PAPPA2: variants seen among roughly 807,000 people sequenced by gnomAD.
PAPPA2 encodes the protein pappalysin-2.
A neutral mutation model predicts 176.4 loss-of-function variants in PAPPA2; 86 were observed. The observed-to-expected ratio is 0.49, with a 90% CI of 0.41 to 0.58. PAPPA2 has a LOEUF of 0.58. PAPPA2 is among the 20% of genes least tolerant of loss of function. PAPPA2 has a pLI of 0.00. For missense variants in PAPPA2, 2,073 were observed against 2,256.9 expected, an observed-to-expected ratio of 0.92 and a Z score of 1.65; for synonymous variants, 809 against 852.2, an observed-to-expected ratio of 0.95 and a Z score of 0.88.
intron 2 of PAPPA2, among the ~76,000 whole-genome samples, chr1:176,560,117 C>T (rs1246111758): frequency 1.3e-5 from 2 of 152,178 alleles, no homozygotes; most frequent in East Asian, 3.9e-4. Flanking sequence ...TAATTGTCCT[C>T]TCCCAGAATG....
intron 3 of PAPPA2, among the ~76,000 whole-genome samples, chr1:176,662,586 T>A (rs747809614): frequency 6.6e-6 from 1 of 152,104 alleles, no homozygotes; most frequent in Non-Finnish European, 1.5e-5. Context: ...TTACTCTATT[T>A]TTTAACCATT....
chr1:176,573,184 C>G (rs1056325945), intron 2 of PAPPA2, among the ~76,000 whole-genome samples: 1 of 152,178 alleles, frequency 6.6e-6, no homozygotes, highest in Admixed American at 6.5e-5. Flanking sequence ...CACTTCACAC[C>G]CCCTAAGGTG....
At chr1:176,573,869 G>A (rs1357509344) in intron 2 of PAPPA2, among the ~76,000 whole-genome samples, 1 of 152,108 alleles carries the variant, frequency 6.6e-6, no homozygotes, top group Non-Finnish European at 1.5e-5. Context: ...TGTGGGCAGA[G>A]CTGTGCTAGG....
chr1:176,742,991 A>G (rs1206379114), intron 14 of PAPPA2, among the ~76,000 whole-genome samples: 1 of 152,170 alleles, frequency 6.6e-6, no homozygotes, highest in East Asian at 1.9e-4. Context: ...AGAATCTCAG[A>G]TGAAAGCCAG....
rs534800650 is a variant in PAPPA2 at position 176,789,281 on chromosome 1, T to G, written c.4716-528T>G. ...CATGGATGAAGCTGGAAACCATCAT[T>G]CTCAGCAAACTATCGCAAGGACAAA... On this transcript the variant is annotated intron_variant, in intron 17 of 22. Transcript: ENST00000367662. Among the ~76,000 whole-genome samples the G allele has an allele frequency of 3.3e-5, 5 of 152,204 alleles. No individual in the cohort carries two copies. In the South Asian group the frequency reaches 1.0e-3, roughly 32 times the overall value.
intron 3 of PAPPA2, among the ~76,000 whole-genome samples, chr1:176,595,833 G>T (rs1653948093): frequency 6.6e-6 from 1 of 152,182 alleles, no homozygotes; most frequent in Non-Finnish European, 1.5e-5. Flanking sequence ...GCAGAAAGCT[G>T]TGTACACAGT....
chr1:176,832,755 G>T (rs1667126802), intron 21 of PAPPA2, among the ~76,000 whole-genome samples: 4 of 152,196 alleles, frequency 2.6e-5, no homozygotes, highest in Admixed American at 2.6e-4. Context: ...CAATACAGAT[G>T]AAAGATGTCT....
chr1:176,690,101 T>C lies in PAPPA2; in HGVS notation c.2138-36T>C, dbSNP rs190611676. ...TTAAGGATTGGAGAGCTATTCATTCTGTGCTCTGAAAGGCTTTTCAAAACT... is the reference window on the plus strand; with the variant it reads ...TTAAGGATTGGAGAGCTATTCATTCCGTGCTCTGAAAGGCTTTTCAAAACT... On this transcript the variant is annotated intron_variant, in intron 4 of 22. Coordinates refer to ENST00000367662, the MANE Select transcript of PAPPA2 (RefSeq NM_020318.3). 5.7e-3 allele frequency: 8,778 copies of C among 1,530,446 alleles called. 34 individuals are homozygous for C. The highest frequency in any genetic ancestry group is 7.3e-3 in the Non-Finnish European group (8,200 of 1,119,382). The allele number at this position is 1,530,446 out of a possible 1,614,324, so 94.8% of individuals were successfully genotyped here. A position where few individuals can be genotyped will look rare whatever the true frequency, so the allele number is the denominator to read the frequency against.
intron 3 of PAPPA2, among the ~76,000 whole-genome samples, chr1:176,648,750 T>C (rs565233215): frequency 4.0e-5 from 6 of 151,684 alleles, no homozygotes; most frequent in Non-Finnish European, 8.9e-5. Flanking sequence ...GATTTGCATA[T>C]GTTGAACCAT....
intron 14 of PAPPA2, among the ~76,000 whole-genome samples, chr1:176,742,568 C>T (rs1317372125): frequency 6.6e-6 from 1 of 152,126 alleles, no homozygotes; most frequent in Non-Finnish European, 1.5e-5. Flanking sequence ...CTGACAGGAG[C>T]CATGCAAATT....
intron 1 of PAPPA2, among the ~76,000 whole-genome samples, chr1:176,503,470 G>A (rs1161295395): frequency 1.3e-5 from 2 of 152,096 alleles, no homozygotes; most frequent in Non-Finnish European, 1.5e-5. Context: ...CCAGTGATTA[G>A]GAAGTAGACA....
intron 1 of PAPPA2, among the ~76,000 whole-genome samples, chr1:176,506,182 A>G (rs1414669962): frequency 2.0e-5 from 3 of 151,754 alleles, no homozygotes; most frequent in Non-Finnish European, 2.9e-5. Flanking sequence ...TCATTTCTGA[A>G]TTTTCTGTTC....
intron 17 of PAPPA2, among the ~76,000 whole-genome samples, chr1:176,786,172 C>T (rs1664926651): frequency 6.6e-6 from 1 of 151,936 alleles, no homozygotes. Context: ...AAAGGAGCCT[C>T]GTTAGAGTAA....
At chr1:176,839,560 C>T (rs192526557) in intron 21 of PAPPA2, among the ~76,000 whole-genome samples, 7 of 152,196 alleles carry the variant, frequency 4.6e-5, no homozygotes, top group East Asian at 1.9e-4. Flanking sequence ...AGCACCACTG[C>T]GGGCTGGACA....
intron 17 of PAPPA2, among the ~76,000 whole-genome samples, chr1:176,778,637 T>C (rs1206923667): frequency 6.6e-6 from 1 of 152,242 alleles, no homozygotes; most frequent in African/African-American, 2.4e-5. Context: ...TGTTAAGCTC[T>C]GTGTCATAGC....
intron 1 of PAPPA2, among the ~76,000 whole-genome samples, chr1:176,495,260 G>A (rs924071274): frequency 6.6e-6 from 1 of 152,166 alleles, no homozygotes; most frequent in African/African-American, 2.4e-5. Flanking sequence ...CTATAAAGAA[G>A]TTAAGAAACT....
intron 17 of PAPPA2, among the ~76,000 whole-genome samples, chr1:176,773,787 T>G (rs977463453): frequency 7.2e-5 from 11 of 152,188 alleles, no homozygotes; most frequent in African/African-American, 2.7e-4. Flanking sequence ...AAACAATTAC[T>G]AAAATATCAG....
intron 4 of PAPPA2, among the ~76,000 whole-genome samples, chr1:176,675,607 G>A (rs1659247529): frequency 6.6e-6 from 1 of 152,032 alleles, no homozygotes; most frequent in African/African-American, 2.4e-5. Flanking sequence ...ATAAAGTGCT[G>A]TGAAAATATA....
chr1:176,599,138 GGTGT>G (rs767753174), intron 3 of PAPPA2, among the ~76,000 whole-genome samples: 1 of 149,098 alleles, frequency 6.7e-6, no homozygotes, highest in Non-Finnish European at 1.5e-5. Context: ...TATTTTTATA[GGTGT>G]GTGTGTGTGT....
Sources: allele counts gnomAD v4.1 joint callset (sites outside exome capture counted in the v4.1 genomes callset), GRCh38; gene constraint gnomAD v4.1.1; transcripts MANE v1.5; gene names NCBI Gene and HGNC (gene_info 2026-07-23, HGNC 2026-07-21).